Variants in PIK3AP1 observed in about 807,000 individuals in gnomAD.
PIK3AP1 encodes phosphoinositide-3-kinase adaptor protein 1.
A neutral mutation model predicts 88.1 loss-of-function variants in PIK3AP1; 21 were observed. The observed-to-expected ratio is 0.24, with a 90% CI of 0.17 to 0.34. The LOEUF is 0.34. Among genes scored for constraint, PIK3AP1 ranks in the 10% least tolerant of loss-of-function variants. The pLI, the probability that PIK3AP1 is intolerant of heterozygous loss-of-function variation, is 1.00. For missense variants in PIK3AP1, 828 were observed against 1,035.7 expected, an observed-to-expected ratio of 0.80 and a Z score of 2.75; for synonymous variants, 398 against 400.0, an observed-to-expected ratio of 1.00 and a Z score of 0.06.
At chr10:96,634,963 T>C (rs1843293692) in intron 8 of PIK3AP1, among the ~76,000 whole-genome samples, 2 of 152,162 alleles carry the variant, frequency 1.3e-5, no homozygotes, top group African/African-American at 2.4e-5. Context: ...CCTAGCAATA[T>C]TGGGCAGAAA....
rs924138884 is a variant in PIK3AP1 at position 96,720,413 on chromosome 10, C to G, written c.-19G>C. 9.9e-5 allele frequency: 123 copies of G among 1,236,380 alleles called. No individual in the cohort carries two copies. The highest frequency in any genetic ancestry group is 1.1e-4 in the Non-Finnish European group (111 of 986,382). 76.6% of individuals were successfully genotyped at this position (1,236,380 alleles called of 1,614,324 possible). A position where few individuals can be genotyped will look rare whatever the true frequency, so the allele number is the denominator to read the frequency against. On this transcript the variant is annotated 5_prime_UTR_variant, in exon 1 of 17. The change abolishes an upstream ATG in the 5' untranslated region. Transcript: ENST00000339364. This position sits in a 1 kb window ranked among gnomAD's most constrained non-coding sequence, Gnocchi z 4.6. ...CTGCCATGCCGCGGGGCGCCGCTCACATCCCTGGCTCGCTGCGTGCCCGGG... is the reference window on the plus strand; with the variant it reads ...CTGCCATGCCGCGGGGCGCCGCTCAGATCCCTGGCTCGCTGCGTGCCCGGG...
intron 16 of PIK3AP1, among the ~76,000 whole-genome samples, chr10:96,601,804 G>C (rs1239317072): frequency 1.3e-5 from 2 of 152,146 alleles, no homozygotes; most frequent in Non-Finnish European, 2.9e-5. Flanking sequence ...TAAAGTATTT[G>C]CAACTAAATA....
At chr10:96,677,578 TACACAC>T (rs35018772) in intron 2 of PIK3AP1, among the ~76,000 whole-genome samples, 3,450 of 121,156 alleles carry the variant, frequency 0.028, 71 homozygotes, top group African/African-American at 0.073. Flanking sequence ...ACTAAGCACA[TACACAC>T]ACACACACAC....
intron 6 of PIK3AP1, among the ~76,000 whole-genome samples, chr10:96,649,315 A>T (rs1159534938): frequency 2.0e-5 from 3 of 152,184 alleles, no homozygotes; most frequent in Non-Finnish European, 4.4e-5. Context: ...AAGTGCTGGG[A>T]TTACAGGCAT....
At chr10:96,615,513 G>A (rs564344973) in intron 13 of PIK3AP1, among the ~76,000 whole-genome samples, 1 of 152,244 alleles carries the variant, frequency 6.6e-6, no homozygotes, top group African/African-American at 2.4e-5. Context: ...GATACGCTTT[G>A]GAGGCAGAAC....
chr10:96,709,754 C>G lies in PIK3AP1; in HGVS notation c.243G>C (p.Lys81Asn). The change falls in exon 2 of 17, where the codon AAG (lysine) becomes AAC (asparagine). Residue 81 changes from lysine (K) to asparagine (N), a missense_variant. By Grantham distance (94) the Lys-to-Asn change is moderately conservative. Transcript: ENST00000339364. Reference protein sequence around the residue: ...LSAELVQHFHKPALLPLLQRA... With the variant: ...LSAELVQHFHNPALLPLLQRA... The stretch of plus-strand genomic sequence containing the variant: ...TCTGCAGCAGGGGCAGCAAGGCGGG[C>G]TTGTGGAAGTGCTGCACCAGCTCCG... 2 of 1,613,940 alleles carry G rather than the reference C, an allele frequency of 1.2e-6. No individual in the cohort carries two copies. The highest frequency in any genetic ancestry group is 1.7e-6 in the Non-Finnish European group (2 of 1,179,902).
intron 10 of PIK3AP1, among the ~76,000 whole-genome samples, chr10:96,625,006 T>C (rs1463213599): frequency 6.6e-6 from 1 of 152,262 alleles, no homozygotes; most frequent in East Asian, 1.9e-4. Context: ...AGGATTCAAG[T>C]GCAAGTTGTC....
intron 6 of PIK3AP1, among the ~76,000 whole-genome samples, chr10:96,649,319 C>A (rs887511141): frequency 2.0e-5 from 3 of 152,188 alleles, no homozygotes; most frequent in Non-Finnish European, 4.4e-5. Flanking sequence ...GCTGGGATTA[C>A]AGGCATGAGC....
intron 2 of PIK3AP1, among the ~76,000 whole-genome samples, chr10:96,670,155 CAAAAA>C (rs35152022): frequency 1.1e-5 from 1 of 91,464 alleles, no homozygotes. Context: ...AAGACTCCAT[CAAAAA>C]AAAAAAAAAA....
intron 2 of PIK3AP1, among the ~76,000 whole-genome samples, chr10:96,681,536 G>A (rs552738170): frequency 6.6e-6 from 1 of 152,184 alleles, no homozygotes; most frequent in Non-Finnish European, 1.5e-5. Flanking sequence ...TTGGAGAGCA[G>A]ATTTCAGCTA....
chr10:96,599,570 G>T (rs1034700123), intron 16 of PIK3AP1, among the ~76,000 whole-genome samples: 1 of 152,104 alleles, frequency 6.6e-6, no homozygotes. Flanking sequence ...GTTAGAACAC[G>T]GGCAGAGAAG....
intron 1 of PIK3AP1, among the ~76,000 whole-genome samples, chr10:96,713,491 G>A (rs554409209): frequency 5.3e-5 from 7 of 131,752 alleles, no homozygotes; most frequent in South Asian, 5.0e-4. Flanking sequence ...GAGACAGACC[G>A]AGACTCCGTC....
At chr10:96,684,034 A>G (rs542243095) in intron 2 of PIK3AP1, among the ~76,000 whole-genome samples, 1 of 152,288 alleles carries the variant, frequency 6.6e-6, no homozygotes, top group Admixed American at 6.5e-5. Context: ...TTATTTTGAG[A>G]TTTCTGAAAA....
chr10:96,694,115 T>A (rs1844189512), intron 2 of PIK3AP1, among the ~76,000 whole-genome samples: 2 of 152,184 alleles, frequency 1.3e-5, no homozygotes, highest in Admixed American at 6.5e-5. Context: ...GAGGCCCCCA[T>A]GATATCTCAG....
intron 8 of PIK3AP1, among the ~76,000 whole-genome samples, chr10:96,632,110 C>T (rs972249111): frequency 6.6e-6 from 1 of 152,018 alleles, no homozygotes; most frequent in Non-Finnish European, 1.5e-5. Flanking sequence ...TCAAAAGTAT[C>T]GAGACAAGGA....
intron 3 of PIK3AP1, among the ~76,000 whole-genome samples, chr10:96,655,266 G>T (rs1843599628): frequency 6.6e-6 from 1 of 152,162 alleles, no homozygotes; most frequent in Admixed American, 6.5e-5. Flanking sequence ...CATTTTGTGG[G>T]GCTGAGGTGA....
At chr10:96,707,840 T>C (rs1844385210) in intron 2 of PIK3AP1, among the ~76,000 whole-genome samples, 2 of 152,246 alleles carry the variant, frequency 1.3e-5, no homozygotes. Context: ...GCTTTTTCTA[T>C]CATTGTCTTT....
intron 15 of PIK3AP1, among the ~76,000 whole-genome samples, chr10:96,603,051 T>C (rs966229424): frequency 3.3e-5 from 5 of 152,182 alleles, no homozygotes; most frequent in Middle Eastern, 3.2e-3. Context: ...CCCCTAACCC[T>C]GGATCCCCTG....
At chr10:96,636,553 G>A (rs531178439) in intron 8 of PIK3AP1, among the ~76,000 whole-genome samples, 1 of 152,272 alleles carries the variant, frequency 6.6e-6, no homozygotes, top group African/African-American at 2.4e-5. Context: ...ATTTTGGGAG[G>A]GAAATCAGAA....
Sources: gnomAD v4.1 joint callset for allele counts (sites outside exome capture counted in the v4.1 genomes callset) on GRCh38, gnomAD v4.1.1 for gene constraint, Gnocchi (gnomAD v3.1) non-coding constraint, MANE v1.5 for transcripts, NCBI Gene and HGNC (gene_info 2026-07-23, HGNC 2026-07-21) for gene names.